Variants in GSDMA observed in about 807,000 individuals in gnomAD.
GSDMA encodes the protein gasdermin A, also known as gasdermin-A.
Under a neutral mutation model 54.3 loss-of-function variants are expected in GSDMA, and 55 were observed. That is an observed-to-expected ratio of 1.01 (90% confidence interval 0.82 to 1.27). The LOEUF is 1.27. Ranked by LOEUF, GSDMA falls within the 50% of genes most tolerant of loss-of-function variation. GSDMA has a pLI of 0.00. For synonymous variants in GSDMA, 211 were observed against 224.7 expected (o/e 0.94, Z 0.54); for missense variants, 542 against 542.6 (o/e 1.00, Z 0.01).
At position 39,966,449 on chromosome 17, in the gene GSDMA, C is replaced by A. The variant is rs949354148; in HGVS notation, c.392+12C>A. 8 of 1,584,708 alleles carry A rather than the reference C, an allele frequency of 5.0e-6. No individual in the cohort carries two copies. The highest frequency in any genetic ancestry group is 2.3e-5 in the South Asian group (2 of 87,654). The stretch of plus-strand genomic sequence containing the variant: ...ACCGTGCAGGAGAGGTGAGAGTGGG[C>A]GGGACTGAGGGTCTCCCGGGATGTG... On this transcript the variant is annotated intron_variant, in intron 3 of 11. Coordinates refer to ENST00000301659, the MANE Select transcript of GSDMA (RefSeq NM_178171.5).
chr17:39,974,156 G>T (rs1009694755), intron 8 of GSDMA, 117 bp from the exon 9 acceptor site: 1 of 1,083,096 alleles, frequency 9.2e-7, no homozygotes, highest in Non-Finnish European at 1.3e-6. Context: ...GGCTCAAACT[G>T]GGGGGTAGAG....
At chr17:39,974,459 G>A (rs1172825358) in intron 9 of GSDMA, 32 bp downstream of exon 9, 2 of 1,537,334 alleles carry the variant, frequency 1.3e-6, no homozygotes, top group Non-Finnish European at 1.8e-6. Context: ...GGAAGGGTGG[G>A]AGAAGGCATG....
At chr17:39,971,725 G>C (rs1427891054) in intron 5 of GSDMA, 105 bp downstream of exon 5, 4 of 807,784 alleles carry the variant, frequency 5.0e-6, no homozygotes, top group Non-Finnish European at 8.3e-6. Flanking sequence ...TGAGTAGGGG[G>C]GTGTATTGTA....
chr17:39,973,032 C>T (rs994695868), intron 7 of GSDMA, among the ~76,000 whole-genome samples: 9 of 151,920 alleles, frequency 5.9e-5, no homozygotes, highest in Admixed American at 3.3e-4. Flanking sequence ...AGTGTAGTGG[C>T]GCAATCTCAG....
chr17:39,971,999 T>C, intron 5 of GSDMA, 130 bp from the exon 6 acceptor site: 2 of 624,944 alleles, frequency 3.2e-6, no homozygotes, highest in South Asian at 2.0e-5. Flanking sequence ...AGGTTGAAGC[T>C]GGGAATTAAA....
chr17:39,974,006 A>T (rs575994799), intron 8 of GSDMA, among the ~76,000 whole-genome samples, 176 bp downstream of exon 8: 2 of 152,138 alleles, frequency 1.3e-5, no homozygotes, highest in Non-Finnish European at 2.9e-5. Context: ...CTGATATGGG[A>T]TAAGGCCTGG....
intron 6 of GSDMA, 140 bp from the exon 7 acceptor site, chr17:39,972,447 G>A (rs1873613340): frequency 7.4e-6 from 6 of 807,276 alleles, no homozygotes; most frequent in South Asian, 3.1e-5. Context: ...GTGTGTTCCC[G>A]AATCATGGGG....
chr17:39,967,408 G>A (rs1979718410), intron 3 of GSDMA, among the ~76,000 whole-genome samples: 1 of 152,148 alleles, frequency 6.6e-6, no homozygotes, highest in African/African-American at 2.4e-5. Flanking sequence ...AAGGCACACA[G>A]GTGAGCAATC....
At chr17:39,972,406 G>C (rs1979994259) in intron 6 of GSDMA, among the ~76,000 whole-genome samples, 181 bp from the exon 7 acceptor site, 1 of 152,230 alleles carries the variant, frequency 6.6e-6, no homozygotes, top group African/African-American at 2.4e-5. Flanking sequence ...GGAAGGCACA[G>C]TCAGAAGCAG....
At chr17:39,966,551 T>C (rs1979679375) in intron 3 of GSDMA, 114 bp downstream of exon 3, 1 of 969,178 alleles carries the variant, frequency 1.0e-6, no homozygotes, top group South Asian at 1.8e-5. Flanking sequence ...TTTGCCAATG[T>C]GGTCATGACA....
chr17:39,972,515 T>C, intron 6 of GSDMA, 72 bp from the exon 7 acceptor site: 3 of 1,427,330 alleles, frequency 2.1e-6, no homozygotes, highest in Middle Eastern at 1.7e-4. Context: ...TGAAACTGCC[T>C]TGAAGACTGT....
intron 4 of GSDMA, 57 bp downstream of exon 4, chr17:39,970,704 C>T: frequency 2.3e-6 from 3 of 1,320,870 alleles, no homozygotes; most frequent in Non-Finnish European, 2.9e-6. Flanking sequence ...CACACTCACA[C>T]ATACACATTT....
In GSDMA at chr17:39,977,292, CTTT is replaced by C. The variant is rs397965095; in HGVS notation, c.*249_*251del. 2.9e-3 allele frequency: 174 copies of C among 59,978 alleles called. No individual in the cohort carries two copies. Among genetic ancestry groups the C allele is most frequent in the South Asian group, 9.8e-3 (33 of 3,378 alleles). 3.7% of individuals were successfully genotyped at this position (59,978 alleles called of 1,614,324 possible). ...CTTAAATTTTCTTTACTTTTCTTTT[CTTT>C]TTTTTTTTTTTTTTGAGATGGAGGC... On this transcript the variant is annotated 3_prime_UTR_variant, in exon 12 of 12. Transcript: ENST00000301659.
chr17:39,976,961 C>G lies in GSDMA; in HGVS notation c.1241C>G (p.Ser414Trp). The G allele has an allele frequency of 6.2e-7, 1 of 1,613,968 alleles. No individual in the cohort carries two copies. Among genetic ancestry groups the G allele is most frequent in the Non-Finnish European group, 8.5e-7 (1 of 1,179,886 alleles). Reference sequence around the variant, plus strand: ...CTGAGTGGCCTGGAAGTGCAGAGATCGGGCCCCCAATATATGTGGGACCCA... The same window carrying G: ...CTGAGTGGCCTGGAAGTGCAGAGATGGGGCCCCCAATATATGTGGGACCCA... ...VGLSGLEVQR[S>W]GPQYMWDPDT... The change falls in exon 12 of 12, where the codon TCG (serine) becomes TGG (tryptophan). Residue 414 changes from serine (S) to tryptophan (W), a missense_variant. Physicochemically the swap from Ser to Trp is radical, Grantham distance 177. Coordinates refer to ENST00000301659, the MANE Select transcript of GSDMA (RefSeq NM_178171.5).
At chr17:39,964,010 G>A (rs557631861) in intron 1 of GSDMA, among the ~76,000 whole-genome samples, 1 of 152,198 alleles carries the variant, frequency 6.6e-6, no homozygotes, top group Admixed American at 6.5e-5. Context: ...GGTACTTGCT[G>A]CTGCAGAGGT....
intron 3 of GSDMA, among the ~76,000 whole-genome samples, chr17:39,968,546 C>G (rs1015099319): frequency 3.3e-5 from 5 of 151,446 alleles, no homozygotes; most frequent in African/African-American, 1.2e-4. Context: ...TGGGGTTTTA[C>G]CATGTTGGCC....
intron 3 of GSDMA, among the ~76,000 whole-genome samples, chr17:39,969,266 C>T (rs368197581): frequency 4.6e-5 from 7 of 151,002 alleles, no homozygotes; most frequent in Admixed American, 6.6e-5. Flanking sequence ...AAGGGGATCA[C>T]TTAAGCCCAA....
In GSDMA at chr17:39,963,339, G is replaced by T. The variant is rs1367691998; in HGVS notation, c.-6+254G>T. 4.0e-4 allele frequency among the ~76,000 whole-genome samples: 7 copies of T among 17,570 alleles called. No individual in the cohort carries two copies. The Admixed American group carries it at 4.7e-3, about 12-fold the overall frequency. 11.5% of individuals were successfully genotyped at this position (17,570 alleles called of 152,430 possible). A position where few individuals can be genotyped will look rare whatever the true frequency, so the allele number is the denominator to read the frequency against. On this transcript the variant is annotated intron_variant, in intron 1 of 11. Transcript: ENST00000301659. ...GCCCCATCCTGGCCCTCCCAGGAAT[G>T]AGGGTGAAAAAAAAAAAGCACCTTG...
chr17:39,974,099 G>C (rs905253096), intron 8 of GSDMA, among the ~76,000 whole-genome samples, 174 bp from the exon 9 acceptor site: 14 of 152,212 alleles, frequency 9.2e-5, no homozygotes, highest in Admixed American at 9.2e-4. Context: ...GTTAGGGTTG[G>C]TGGATAGTTC....
Sources: allele counts gnomAD v4.1 joint callset (sites outside exome capture counted in the v4.1 genomes callset), GRCh38; gene constraint gnomAD v4.1.1; transcripts MANE v1.5; gene names NCBI Gene and HGNC (gene_info 2026-07-23, HGNC 2026-07-21).